MECOM: variants seen among roughly 807,000 people sequenced by gnomAD.
MECOM encodes MDS1 and EVI1 complex locus, also known as histone-lysine N-methyltransferase MECOM.
A neutral mutation model predicts 116.3 loss-of-function variants in MECOM; 13 were observed. That is an observed-to-expected ratio of 0.11 (90% confidence interval 0.07 to 0.18). The LOEUF (loss-of-function observed/expected upper bound fraction) is 0.18. Ranked by LOEUF, MECOM falls within the 10% of genes least tolerant of loss-of-function variation. MECOM has a pLI of 1.00. For missense variants in MECOM, 1,299 were observed against 1,509.0 expected, an observed-to-expected ratio of 0.86 and a Z score of 2.31; for synonymous variants, 528 against 535.2, an observed-to-expected ratio of 0.99 and a Z score of 0.19.
intron 1 of MECOM, among the ~76,000 whole-genome samples, chr3:169,452,992 A>G (rs1344577344): frequency 6.6e-6 from 1 of 152,214 alleles, no homozygotes; most frequent in Non-Finnish European, 1.5e-5. Context: ...AAATTTCTCA[A>G]ATGCAAACAA....
intron 2 of MECOM, among the ~76,000 whole-genome samples, chr3:169,189,079 C>G (rs1165661289): frequency 3.5e-4 from 53 of 151,978 alleles, no homozygotes; most frequent in Non-Finnish European, 5.9e-5. Flanking sequence ...ATTCATGACT[C>G]GCATGATCCT....
At chr3:169,320,418 G>C (rs115610664) in intron 2 of MECOM, among the ~76,000 whole-genome samples, 1 of 152,168 alleles carries the variant, frequency 6.6e-6, no homozygotes, top group Non-Finnish European at 1.5e-5. Flanking sequence ...ATGACGTAAG[G>C]TCCCTGAGGA....
chr3:169,532,186 G>A (rs934452309), intron 1 of MECOM, among the ~76,000 whole-genome samples: 3 of 152,168 alleles, frequency 2.0e-5, no homozygotes, highest in Non-Finnish European at 2.9e-5. Flanking sequence ...TTGGTGAGCT[G>A]CCCCATGCTC....
chr3:169,133,892 C>T, intron 3 of MECOM: 2 of 1,282,730 alleles, frequency 1.6e-6, no homozygotes, highest in South Asian at 2.5e-5. Flanking sequence ...CAATGGACTT[C>T]TCTCAACAGT....
chr3:169,327,414 C>A (rs549779263), intron 2 of MECOM, among the ~76,000 whole-genome samples: 6 of 152,096 alleles, frequency 3.9e-5, no homozygotes, highest in Admixed American at 3.9e-4. Flanking sequence ...CCAAGGTGGG[C>A]AGATCACAAG....
At chr3:169,458,969 G>A (rs1746979422) in intron 1 of MECOM, among the ~76,000 whole-genome samples, 1 of 152,208 alleles carries the variant, frequency 6.6e-6, no homozygotes, top group Admixed American at 6.5e-5. Flanking sequence ...AGCAGCTCAA[G>A]CGCAGCATTT....
At chr3:169,544,954 G>A (rs1325605210) in intron 1 of MECOM, among the ~76,000 whole-genome samples, 1 of 152,086 alleles carries the variant, frequency 6.6e-6, no homozygotes, top group Non-Finnish European at 1.5e-5. Context: ...AGGTTGATAG[G>A]TGCAGCAAAC....
intron 1 of MECOM, among the ~76,000 whole-genome samples, chr3:169,452,079 C>T (rs777887375): frequency 6.6e-6 from 1 of 151,808 alleles, no homozygotes; most frequent in African/African-American, 2.4e-5. Context: ...TAATAGCCAT[C>T]GATTTTTAAA....
At chr3:169,493,670 C>G (rs572332924) in intron 1 of MECOM, among the ~76,000 whole-genome samples, 1 of 152,000 alleles carries the variant, frequency 6.6e-6, no homozygotes, top group Non-Finnish European at 1.5e-5. Flanking sequence ...TCTGTAGCAA[C>G]GTCTGACTCT....
At chr3:169,439,342 A>G (rs1012189811) in intron 1 of MECOM, among the ~76,000 whole-genome samples, 2 of 147,834 alleles carry the variant, frequency 1.4e-5, no homozygotes, top group African/African-American at 4.9e-5. Context: ...TATTATTAAT[A>G]TTATTTAATA....
chr3:169,479,863 C>T (rs942129255), intron 1 of MECOM, among the ~76,000 whole-genome samples: 1 of 152,148 alleles, frequency 6.6e-6, no homozygotes, highest in Admixed American at 6.5e-5. Context: ...CTGTGCCAGG[C>T]ACCTTTAAAA....
At chr3:169,469,241 C>T (rs898377063) in intron 1 of MECOM, among the ~76,000 whole-genome samples, 1 of 152,138 alleles carries the variant, frequency 6.6e-6, no homozygotes, top group African/African-American at 2.4e-5. Flanking sequence ...GGTGAGAGTG[C>T]TCCTAGCAGA....
At position 169,375,369 on chromosome 3, in the gene MECOM, A is replaced by C. The variant is rs150182237; in HGVS notation, c.375+5818T>G. 7.8e-3 allele frequency among the ~76,000 whole-genome samples: 1,136 copies of C among 146,396 alleles called. 10 individuals are homozygous for C. The highest frequency in any genetic ancestry group is 0.013 in the Non-Finnish European group (858 of 66,936). ...TAGAAATATGAAAAATCCTTCAAAA[A>C]AAAATCAATGAATCCAGGAGCTGTT... On this transcript the variant is annotated intron_variant, in intron 2 of 16. Coordinates refer to ENST00000651503, the MANE Select transcript of MECOM (RefSeq NM_004991.4).
chr3:169,287,363 T>A (rs934460895), intron 2 of MECOM, among the ~76,000 whole-genome samples: 1 of 143,388 alleles, frequency 7.0e-6, no homozygotes, highest in Non-Finnish European at 1.5e-5. Context: ...ACACAACAAA[T>A]AATGTTTTTT....
intron 2 of MECOM, among the ~76,000 whole-genome samples, chr3:169,373,857 A>T (rs966291756): frequency 1.3e-5 from 2 of 151,990 alleles, no homozygotes; most frequent in Non-Finnish European, 2.9e-5. Context: ...TCAGAGTCAC[A>T]TAATCCTATA....
chr3:169,491,548 A>G (rs1178421178), intron 1 of MECOM, among the ~76,000 whole-genome samples: 1 of 152,206 alleles, frequency 6.6e-6, no homozygotes, highest in East Asian at 1.9e-4. Context: ...GAAGACTTCA[A>G]TTTATCTTCA....
intron 1 of MECOM, among the ~76,000 whole-genome samples, chr3:169,640,063 G>T (rs564523613): frequency 2.4e-4 from 37 of 152,198 alleles, no homozygotes; most frequent in African/African-American, 8.7e-4. Context: ...CTTCTGTTGC[G>T]TGTATTGGTC....
chr3:169,613,674 A>G (rs570226263), intron 1 of MECOM: 1 of 152,372 alleles, frequency 6.6e-6, no homozygotes, highest in African/African-American at 2.4e-5. Flanking sequence ...CCTGACTTCA[A>G]GGAGAATGTG....
chr3:169,610,409 G>C (rs1202747059), intron 1 of MECOM, among the ~76,000 whole-genome samples: 1 of 152,106 alleles, frequency 6.6e-6, no homozygotes, highest in Non-Finnish European at 1.5e-5. Flanking sequence ...TTTACCATGT[G>C]ACATGCTCTT....
Sources: allele counts gnomAD v4.1 joint callset (sites outside exome capture counted in the v4.1 genomes callset), GRCh38; gene constraint gnomAD v4.1.1; transcripts MANE v1.5; gene names NCBI Gene and HGNC (gene_info 2026-07-23, HGNC 2026-07-21).